The following USP45 variants were observed in gnomAD, a reference collection of about 807,000 sequenced individuals.
USP45 encodes the protein ubiquitin carboxyl-terminal hydrolase 45.
A neutral mutation model predicts 95.8 loss-of-function variants in USP45; 89 were observed. The ratio of observed to expected loss-of-function variants is 0.93; its 90% CI spans 0.78 to 1.11. The LOEUF (loss-of-function observed/expected upper bound fraction) is 1.11, where lower values mean the gene tolerates loss of function less well. USP45 is among the 50% of genes least tolerant of loss of function. The pLI is 0.00. For missense variants in USP45, 898 were observed against 942.5 expected, an observed-to-expected ratio of 0.95 and a Z score of 0.62; for synonymous variants, 281 against 316.2, an observed-to-expected ratio of 0.89 and a Z score of 1.18.
At chr6:99,498,297 T>A (rs914755571) in intron 5 of USP45, among the ~76,000 whole-genome samples, 2 of 152,190 alleles carry the variant, frequency 1.3e-5, no homozygotes, top group African/African-American at 4.8e-5. Context: ...TCTATCTACT[T>A]CCTCAACAAA....
At chr6:99,439,941 G>C in intron 15 of USP45, 86 bp from the exon 16 acceptor site, 1 of 1,005,696 alleles carries the variant, frequency 9.9e-7, no homozygotes. Flanking sequence ...AGAAATTGTA[G>C]GACTTAGTTT....
chr6:99,452,060 C>T (rs1407247430), intron 13 of USP45, among the ~76,000 whole-genome samples: 1 of 152,174 alleles, frequency 6.6e-6, no homozygotes, highest in Non-Finnish European at 1.5e-5. Context: ...CATGTTAGAG[C>T]TAAAACCATA....
intron 13 of USP45, 83 bp downstream of exon 13, chr6:99,464,521 T>C (rs1295051065): frequency 3.5e-6 from 5 of 1,446,614 alleles, no homozygotes; most frequent in South Asian, 1.5e-5. Context: ...TATTACACTA[T>C]GTTCTCTACT....
chr6:99,507,902 T>G (rs190122042), intron 3 of USP45, among the ~76,000 whole-genome samples: 1 of 152,264 alleles, frequency 6.6e-6, no homozygotes, highest in East Asian at 1.9e-4. Flanking sequence ...CACAGACCAA[T>G]CATAGCGATT....
In USP45 at chr6:99,437,499, A is replaced by T. The variant is rs1048748162; in HGVS notation, c.2161-100T>A. ...TATCTGCTTAACATAAGAAAAATGC[A>T]TAGTAAAACTGAGATACTTTCCATA... On this transcript the variant is annotated intron_variant, in intron 16 of 17. Coordinates refer to ENST00000500704, the MANE Select transcript of USP45 (RefSeq NM_001346022.3). 1.5e-5 allele frequency: 18 copies of T among 1,205,418 alleles called. No individual in the cohort carries two copies. The South Asian group carries it at 1.7e-4, about 11-fold the overall frequency. The allele number at this position is 1,205,418 out of a possible 1,614,324, so 74.7% of individuals were successfully genotyped here. A position where few individuals can be genotyped will look rare whatever the true frequency, so the allele number is the denominator to read the frequency against.
intron 15 of USP45, among the ~76,000 whole-genome samples, chr6:99,441,120 T>A (rs761490708): frequency 9.9e-5 from 15 of 151,604 alleles, no homozygotes; most frequent in Admixed American, 2.0e-4. Context: ...ACATTTAAGC[T>A]AGGCCTTACG....
Position 99,503,746 on chromosome 6 carries a change from T to C in USP45, c.478+19A>G. 6.7e-7 allele frequency: 1 copy of C among 1,485,434 alleles called. No homozygotes were observed. The highest frequency in any genetic ancestry group is 9.2e-7 in the Non-Finnish European group (1 of 1,081,438). The allele number at this position is 1,485,434 out of a possible 1,614,324, so 92.0% of individuals were successfully genotyped here. On this transcript the variant is annotated intron_variant, in intron 5 of 17. Transcript: ENST00000500704. ...TACTGTATTTTAACACAGATTCCTT[T>C]AGTCATCGCTTAACTTACTTGTTTG... is the stretch of plus-strand genomic sequence containing the variant.
intron 14 of USP45, among the ~76,000 whole-genome samples, chr6:99,444,062 AGTGCAGTGAG>A (rs1782024237): frequency 6.6e-6 from 1 of 152,238 alleles, no homozygotes; most frequent in East Asian, 1.9e-4. Flanking sequence ...CCCAGGCTGA[AGTGCAGTGAG>A]GTGGTCATGG....
chr6:99,443,519 CTG>C (rs35069057), intron 15 of USP45, 44 bp downstream of exon 15: 229,443 of 1,378,274 alleles, frequency 0.17, 21,974 homozygotes, highest in Non-Finnish European at 0.19. Context: ...ACTTAATGCT[CTG>C]TAAAACACAT....
At chr6:99,486,717 G>A (rs1051066264) in intron 7 of USP45, among the ~76,000 whole-genome samples, 1 of 151,700 alleles carries the variant, frequency 6.6e-6, no homozygotes, top group Admixed American at 6.6e-5. Context: ...AGTGCCTACT[G>A]GGAAAAACAA....
At chr6:99,460,798 C>T in intron 13 of USP45, 1 of 984,748 alleles carries the variant, frequency 1.0e-6, no homozygotes. Flanking sequence ...ACACAGGTTT[C>T]AGCAATTCCA....
intron 5 of USP45, among the ~76,000 whole-genome samples, chr6:99,495,028 A>T (rs960506565): frequency 2.0e-5 from 3 of 152,192 alleles, no homozygotes; most frequent in African/African-American, 7.2e-5. Context: ...CCCAAAGGCT[A>T]AAAACAGAAA....
intron 2 of USP45, among the ~76,000 whole-genome samples, chr6:99,509,341 C>A (rs746874162): frequency 4.6e-5 from 7 of 152,144 alleles, no homozygotes; most frequent in Non-Finnish European, 1.0e-4. Flanking sequence ...AATATCAAAA[C>A]CAGGAAGCTG....
chr6:99,493,521 G>C (rs978496067), intron 5 of USP45, among the ~76,000 whole-genome samples: 6 of 152,044 alleles, frequency 3.9e-5, no homozygotes, highest in African/African-American at 1.4e-4. Flanking sequence ...TTTTGAGACG[G>C]AGTTTTGCTC....
At chr6:99,504,138 CTTTA>C (rs922279811) in intron 4 of USP45, among the ~76,000 whole-genome samples, 9 of 152,020 alleles carry the variant, frequency 5.9e-5, no homozygotes, top group Non-Finnish European at 1.3e-4. Context: ...CCAACTTACA[CTTTA>C]TTTATTTTTT....
chr6:99,476,257 GA>G (rs1562376151), intron 8 of USP45, 27 bp from the exon 9 acceptor site: 17 of 1,586,782 alleles, frequency 1.1e-5, no homozygotes, highest in East Asian at 2.2e-5. Flanking sequence ...AAAGAGGAAA[GA>G]AAAAAAGAAT....
At chr6:99,516,078 C>T (rs1401321194), upstream of USP45, among the ~76,000 whole-genome samples, 2 of 152,038 alleles carry the variant, frequency 1.3e-5, no homozygotes, top group Non-Finnish European at 2.9e-5. Flanking sequence ...CGCCCGGCTC[C>T]GCCCCCACAC....
chr6:99,489,667 C>T (rs1273416207), intron 5 of USP45, among the ~76,000 whole-genome samples: 1 of 152,180 alleles, frequency 6.6e-6, no homozygotes, highest in Non-Finnish European at 1.5e-5. Context: ...TTATATTAGG[C>T]TGGCCACGGT....
intron 7 of USP45, among the ~76,000 whole-genome samples, chr6:99,487,174 T>C (rs564137955): frequency 6.6e-6 from 1 of 152,262 alleles, no homozygotes; most frequent in East Asian, 1.9e-4. Context: ...TTGTGGCAGT[T>C]GGTGGGGGAG....
Sources: gnomAD v4.1 joint callset for allele counts (sites outside exome capture counted in the v4.1 genomes callset) on GRCh38, gnomAD v4.1.1 for gene constraint, MANE v1.5 for transcripts, NCBI Gene and HGNC (gene_info 2026-07-23, HGNC 2026-07-21) for gene names.